Variants in RAD23A observed in about 807,000 individuals in gnomAD.
RAD23A encodes the protein lysine-specific demethylase RAD23A.
Under a neutral mutation model 44.8 loss-of-function variants are expected in RAD23A, and 16 were observed. The ratio of observed to expected loss-of-function variants is 0.36; its 90% CI spans 0.24 to 0.54. RAD23A has a LOEUF of 0.54. Ranked by LOEUF, RAD23A falls within the 20% of genes least tolerant of loss-of-function variation. The pLI is 0.89. For missense variants in RAD23A, 380 were observed against 483.3 expected, an observed-to-expected ratio of 0.79 and a Z score of 2.00; for synonymous variants, 217 against 202.9, an observed-to-expected ratio of 1.07 and a Z score of -0.59.
rs1167495427 is a variant in RAD23A at position 12,949,405 on chromosome 19, A to G, written c.810A>G (p.Leu270=). ...TGGGCCAGGAGAACCCTCAGCTTTT[A>G]CAGGTGTGGTCCCAAGGGCAGAGGG... ...QQLGQENPQL[L]QQISRHQEQF... Residue 270 remains leucine, a synonymous_variant, in exon 7 of 9, where the codon TTA becomes TTG. Transcript: ENST00000586534. 6.2e-7 allele frequency: 1 copy of G among 1,613,084 alleles called. No homozygotes were observed. The highest frequency in any genetic ancestry group is 1.3e-5 in the African/African-American group (1 of 74,866).
rs1971792857 is a variant in RAD23A, at chr19:12,950,850, G to T, written c.813+1442G>T. Among the ~76,000 whole-genome samples, 3 of 152,152 alleles carry T rather than the reference G, an allele frequency of 2.0e-5. No individual in the cohort carries two copies. The South Asian group carries it at 6.2e-4, about 32-fold the overall frequency. On this transcript the variant is annotated intron_variant, in intron 7 of 8. Coordinates refer to ENST00000586534, the MANE Select transcript of RAD23A (RefSeq NM_005053.4). ...GGAGGCTAAGGCAGGCAGACCACTT[G>T]GTCAGGAGTTTTAGACCAGCCTGGC...
rs1971668655 is a variant in RAD23A at position 12,946,179 on chromosome 19, T to C, written c.72+159T>C. 2.0e-5 allele frequency among the ~76,000 whole-genome samples: 3 copies of C among 152,046 alleles called. 1 individual carries two copies. The highest frequency in any genetic ancestry group is 4.4e-5 in the Non-Finnish European group (3 of 67,966). On this transcript the variant is annotated intron_variant, in intron 1 of 8. Coordinates refer to ENST00000586534, the MANE Select transcript of RAD23A (RefSeq NM_005053.4). ...CCGACTTTCCTGGACCCCCCGATGG[T>C]CTTTGGCCCAGCCCCCAGCCGATCG...
chr19:12,951,877 C>T (rs949782532), intron 7 of RAD23A, among the ~76,000 whole-genome samples: 1 of 152,186 alleles, frequency 6.6e-6, no homozygotes, highest in Non-Finnish European at 1.5e-5. Flanking sequence ...TCCACCAGCC[C>T]TCATCTGCAG....
chr19:12,945,915 G>A lies in RAD23A; in HGVS notation c.-34G>A, dbSNP rs770339893. 1.9e-6 allele frequency: 3 copies of A among 1,604,588 alleles called. No individual in the cohort carries two copies. Among genetic ancestry groups the A allele is most frequent in the Non-Finnish European group, 2.6e-6 (3 of 1,176,380 alleles). ...CGGCGTGAGTTGCATGTTGTGTGAG[G>A]ATCCCGGGGCCGCCGCGTCGCTCGG... On this transcript the variant is annotated 5_prime_UTR_variant, in exon 1 of 9. Transcript: ENST00000586534.
intron 7 of RAD23A, among the ~76,000 whole-genome samples, chr19:12,950,603 C>G (rs963758446): frequency 2.0e-5 from 3 of 152,064 alleles, no homozygotes; most frequent in African/African-American, 7.2e-5. Flanking sequence ...GGATTTCACC[C>G]TGTTAGCCAG....
chr19:12,947,821 A>G, intron 1 of RAD23A, 27 bp from the exon 2 acceptor site: 2 of 1,609,612 alleles, frequency 1.2e-6, no homozygotes, highest in Non-Finnish European at 1.7e-6. Context: ...TGGGGTCTCC[A>G]GTGACTGTCT....
At chr19:12,946,068 GTGGGGT>G (rs1568451814) in intron 1 of RAD23A, 48 bp downstream of exon 1, 4 of 1,330,280 alleles carry the variant, frequency 3.0e-6, no homozygotes, top group South Asian at 2.6e-5. Flanking sequence ...GGTTTCGGGG[GTGGGGT>G]GGGGGCGGGG....
Position 12,953,096 on chromosome 19 carries a change from T to C in RAD23A, c.*47T>C, listed in dbSNP as rs774479367. 1 of 1,360,258 alleles carries C rather than the reference T, an allele frequency of 7.4e-7. No homozygotes were observed. The highest frequency in any genetic ancestry group is 1.3e-5 in the South Asian group (1 of 78,598). The allele number at this position is 1,360,258 out of a possible 1,614,324, so 84.3% of individuals were successfully genotyped here. On this transcript the variant is annotated 3_prime_UTR_variant, in exon 9 of 9. Coordinates refer to ENST00000586534, the MANE Select transcript of RAD23A (RefSeq NM_005053.4). ...AAGCCCCCACCCTACCCTTATTCCA[T>C]GAAAGTTTTATAAAAGAAAAAATAT...
At chr19:12,951,604 G>A (rs1311821129) in intron 7 of RAD23A, among the ~76,000 whole-genome samples, 3 of 151,914 alleles carry the variant, frequency 2.0e-5, no homozygotes, top group African/African-American at 4.8e-5. Context: ...GTGCCACCAC[G>A]CCCTGCTAAT....
intron 1 of RAD23A, among the ~76,000 whole-genome samples, chr19:12,947,085 G>T (rs1429255506): frequency 1.3e-5 from 2 of 152,102 alleles, no homozygotes; most frequent in South Asian, 2.1e-4. Flanking sequence ...CCAATTAAAC[G>T]TATTTCATAG....
intron 7 of RAD23A, chr19:12,952,441 C>T: frequency 2.4e-6 from 1 of 422,988 alleles, no homozygotes; most frequent in Non-Finnish European, 4.2e-6. Context: ...ATCCACCTGC[C>T]TCTGCCTCCC....
chr19:12,948,844 C>A lies in RAD23A; in HGVS notation c.600+31C>A, dbSNP rs756842302. On this transcript the variant is annotated intron_variant, in intron 5 of 8. Coordinates refer to ENST00000586534, the MANE Select transcript of RAD23A (RefSeq NM_005053.4). This position sits in a 1 kb window ranked among gnomAD's most constrained non-coding sequence, Gnocchi z 5.5. ...GTGGGGCTTCCGCCTCCCGGGGAGG[C>A]CTTGAGGGAGTACCCGGGCGTCACT... The A allele has an allele frequency of 3.9e-5, 61 of 1,576,744 alleles. No individual in the cohort carries two copies. Among genetic ancestry groups the A allele is most frequent in the Non-Finnish European group, 5.0e-5 (58 of 1,165,366 alleles).
chr19:12,952,312 C>T (rs976414076), intron 7 of RAD23A: 2 of 187,994 alleles, frequency 1.1e-5, no homozygotes, highest in African/African-American at 4.8e-5. Flanking sequence ...ATGCCTCAGC[C>T]TGCCAAGTAG....
rs1180804467 is a variant in RAD23A at position 12,945,902 on chromosome 19, C to T, written c.-47C>T. 7 of 1,589,158 alleles carry T rather than the reference C, an allele frequency of 4.4e-6. No individual in the cohort carries two copies. Among genetic ancestry groups the T allele is most frequent in the Non-Finnish European group, 5.2e-6 (6 of 1,164,176 alleles). On this transcript the variant is annotated 5_prime_UTR_variant, in exon 1 of 9. Transcript: ENST00000586534. ...GCTAAGATGGCGGCGGCGTGAGTTGCATGTTGTGTGAGGATCCCGGGGCCG... is the reference window on the plus strand; with the variant it reads ...GCTAAGATGGCGGCGGCGTGAGTTGTATGTTGTGTGAGGATCCCGGGGCCG...
chr19:12,947,746 G>A, intron 1 of RAD23A, 102 bp from the exon 2 acceptor site: 1 of 1,153,578 alleles, frequency 8.7e-7, no homozygotes. Context: ...AACCCAGCGT[G>A]CTTGCCTTTC....
Position 12,948,861 on chromosome 19 carries a change from G to C in RAD23A, c.600+48G>C, listed in dbSNP as rs1971733742. ...CGGGGAGGCCTTGAGGGAGTACCCG[G>C]GCGTCACTGCCCTGATGGGCGGTTG... On this transcript the variant is annotated intron_variant, in intron 5 of 8. Transcript: ENST00000586534. The surrounding 1 kb of genome is among the most constrained non-coding windows in gnomAD (Gnocchi z 5.5). 6.4e-7 allele frequency: 1 copy of C among 1,567,842 alleles called. No individual in the cohort carries two copies. Among genetic ancestry groups the C allele is most frequent in the Non-Finnish European group, 8.6e-7 (1 of 1,160,876 alleles).
chr19:12,945,862 G>C lies in RAD23A; in HGVS notation c.-87G>C. On this transcript the variant is annotated 5_prime_UTR_variant, in exon 1 of 9. Transcript: ENST00000586534. ...GCCCCGGAAGTGGTCGGCGCGCGGC[G>C]CGGCGCGCCTGGGCGCTAAGATGGC... is the stretch of plus-strand genomic sequence containing the variant. The C allele has an allele frequency of 1.4e-6, 2 of 1,444,162 alleles. No homozygotes were observed. Among genetic ancestry groups the C allele is most frequent in the South Asian group, 1.2e-5 (1 of 85,426 alleles). 89.5% of individuals were successfully genotyped at this position (1,444,162 alleles called of 1,614,324 possible).
intron 7 of RAD23A, chr19:12,952,409 CTCG>C: frequency 3.1e-6 from 1 of 324,000 alleles, no homozygotes; most frequent in Non-Finnish European, 5.7e-6. Context: ...CCAGGCTGGA[CTCG>C]AACTCCTGAC....
intron 1 of RAD23A, among the ~76,000 whole-genome samples, chr19:12,947,612 C>T (rs918411853): frequency 1.3e-5 from 2 of 152,174 alleles, no homozygotes; most frequent in African/African-American, 4.8e-5. Flanking sequence ...GTGCTGTGGC[C>T]TCTGTGTCTA....
Sources: allele counts gnomAD v4.1 joint callset (sites outside exome capture counted in the v4.1 genomes callset), GRCh38; gene constraint gnomAD v4.1.1; non-coding constraint Gnocchi (gnomAD v3.1); transcripts MANE v1.5; gene names NCBI Gene and HGNC (gene_info 2026-07-23, HGNC 2026-07-21).